Variants in CAST observed in about 807,000 individuals in gnomAD.
CAST encodes the protein MIR583 host.
CAST carries 76 observed loss-of-function variants against 119.6 expected under a neutral mutation model. The ratio of observed to expected loss-of-function variants is 0.64; its 90% confidence interval spans 0.53 to 0.77. The LOEUF (loss-of-function observed/expected upper bound fraction) is 0.77, where lower values mean the gene tolerates loss of function less well. Ranked by LOEUF, CAST falls within the 30% of genes least tolerant of loss-of-function variation. The probability of loss-of-function intolerance (pLI) is 0.00; values close to 1 mark genes in which losing one functional copy is unlikely to be tolerated. For synonymous variants in CAST, 319 were observed against 331.6 expected (o/e 0.96, Z 0.41); for missense variants, 953 against 946.5 (o/e 1.01, Z -0.09).
At chr5:96,262,809 A>G in the CAST span, among the ~76,000 whole-genome samples, 1 of 152,276 alleles carries the variant, frequency 6.6e-6, no homozygotes. Context: ...TGCTGGGATT[A>G]CAGACATGAG....
At chr5:96,435,590 CGT>C in the CAST span, among the ~76,000 whole-genome samples, 95 of 152,294 alleles carry the variant, frequency 6.2e-4, no homozygotes, top group Middle Eastern at 6.8e-3. Context: ...TGTTATATTT[CGT>C]ATTATAAATT....
chr5:96,024,201 G>T, the CAST span, among the ~76,000 whole-genome samples: 129 of 152,258 alleles, frequency 8.5e-4, no homozygotes, highest in African/African-American at 2.8e-3. Context: ...TTATTTTAAA[G>T]AAAGAATTTA....
At chr5:96,620,228 T>C (rs982691563) in intron 1 of CAST, among the ~76,000 whole-genome samples, 4 of 151,772 alleles carry the variant, frequency 2.6e-5, no homozygotes, top group African/African-American at 9.7e-5. Context: ...AAATTAGTTA[T>C]CAGGAGTAGG....
chr5:96,444,646 G>C, the CAST span, among the ~76,000 whole-genome samples: 8 of 151,852 alleles, frequency 5.3e-5, no homozygotes, highest in Non-Finnish European at 8.8e-5. Context: ...TTTTATAAAT[G>C]TTCCTTTTAA....
chr5:96,179,508 C>T, the CAST span, among the ~76,000 whole-genome samples: 5 of 152,198 alleles, frequency 3.3e-5, no homozygotes, highest in African/African-American at 9.7e-5. Flanking sequence ...ATCTTGAGGG[C>T]AAGTGCAGGG....
intron 2 of CAST, among the ~76,000 whole-genome samples, chr5:96,695,319 T>G (rs1046391516): frequency 6.6e-6 from 1 of 152,220 alleles, no homozygotes; most frequent in Admixed American, 6.5e-5. Flanking sequence ...TTCTAATAAT[T>G]ACCTGGCACA....
the CAST span, among the ~76,000 whole-genome samples, chr5:96,339,308 C>G: frequency 6.6e-6 from 1 of 152,128 alleles, no homozygotes; most frequent in South Asian, 2.1e-4. Context: ...AAAATAGAAC[C>G]AAGTAGAAAA....
the CAST span, among the ~76,000 whole-genome samples, chr5:96,202,919 A>G: frequency 6.6e-6 from 1 of 152,158 alleles, no homozygotes; most frequent in East Asian, 1.9e-4. Context: ...GACTTCATTT[A>G]TTTTAAAGAT....
At chr5:96,580,925 C>T (rs941029299) in intron 1 of CAST, among the ~76,000 whole-genome samples, 3 of 152,292 alleles carry the variant, frequency 2.0e-5, no homozygotes, top group East Asian at 3.9e-4. Flanking sequence ...AGAGGTCCAA[C>T]GAAGCTCAAT....
intron 3 of CAST, among the ~76,000 whole-genome samples, chr5:96,706,503 G>C (rs1221284240): frequency 6.6e-6 from 1 of 152,170 alleles, no homozygotes; most frequent in African/African-American, 2.4e-5. Flanking sequence ...GTTTTTCTGG[G>C]AATATACAGT....
chr5:96,650,012 C>A (rs1264563626), intron 1 of CAST, among the ~76,000 whole-genome samples: 1 of 152,202 alleles, frequency 6.6e-6, no homozygotes, highest in East Asian at 1.9e-4. Context: ...ATTATTCTAT[C>A]TCTATTTTAC....
At chr5:95,995,851 C>T in the CAST span, among the ~76,000 whole-genome samples, 3 of 152,116 alleles carry the variant, frequency 2.0e-5, no homozygotes, top group Non-Finnish European at 2.9e-5. Flanking sequence ...AATGAGAATA[C>T]TGCATACCCC....
the CAST span, among the ~76,000 whole-genome samples, chr5:96,491,330 CAA>C: frequency 1.0e-4 from 15 of 144,562 alleles, no homozygotes; most frequent in Non-Finnish European, 2.0e-4. Flanking sequence ...CTAAAAAATA[CAA>C]AAAAAAAACT....
rs192330907 is a variant in CAST, at chr5:96,719,739, G to A, written c.211-2900G>A. Among the ~76,000 whole-genome samples the A allele has an allele frequency of 6.8e-3, 1,034 of 152,274 alleles. 12 individuals carry two copies. Among genetic ancestry groups the A allele is most frequent in the African/African-American group, 0.024 (986 of 41,554 alleles). On this transcript the variant is annotated intron_variant, in intron 3 of 31. Coordinates refer to ENST00000675179, the MANE Select transcript of CAST (RefSeq NM_001750.7). ...GGTTGTGCTTTAAAATTGGCAGCCCGTTGATGTTAGCAGGACCAGCCAAGT... is the reference window on the plus strand; with the variant it reads ...GGTTGTGCTTTAAAATTGGCAGCCCATTGATGTTAGCAGGACCAGCCAAGT...
At chr5:96,110,342 A>G in the CAST span, among the ~76,000 whole-genome samples, 3 of 152,226 alleles carry the variant, frequency 2.0e-5, no homozygotes, top group African/African-American at 7.2e-5. Flanking sequence ...GAGAAGAAAT[A>G]TAGTTTCAAA....
chr5:95,994,797 A>C, the CAST span, among the ~76,000 whole-genome samples: 387 of 152,250 alleles, frequency 2.5e-3, 2 homozygotes, highest in African/African-American at 8.4e-3. Flanking sequence ...TGATACAAAA[A>C]TGAAAACTGC....
At chr5:96,583,564 G>T (rs1245646405) in intron 1 of CAST, among the ~76,000 whole-genome samples, 1 of 152,130 alleles carries the variant, frequency 6.6e-6, no homozygotes, top group East Asian at 1.9e-4. Context: ...ACACTATCAG[G>T]CTCTGGTAAG....
the CAST span, among the ~76,000 whole-genome samples, chr5:95,966,746 C>G: frequency 6.6e-6 from 1 of 152,136 alleles, no homozygotes; most frequent in Non-Finnish European, 1.5e-5. Flanking sequence ...GATACTCAGT[C>G]TTCATTAATA....
the CAST span, chr5:96,111,099 A>G: frequency 6.6e-6 from 1 of 152,216 alleles, no homozygotes; most frequent in East Asian, 1.9e-4. Context: ...CAGGTTACCT[A>G]TACTTCTGAC....
Sources: allele counts gnomAD v4.1 joint callset (sites outside exome capture counted in the v4.1 genomes callset), GRCh38; gene constraint gnomAD v4.1.1; transcripts MANE v1.5; gene names NCBI Gene and HGNC (gene_info 2026-07-23, HGNC 2026-07-21).